WDR37: variants seen among roughly 807,000 people sequenced by gnomAD.
The protein encoded by WDR37 is WD repeat domain 37.
A neutral mutation model predicts 62.9 loss-of-function variants in WDR37; 19 were observed. The ratio of observed to expected loss-of-function variants is 0.30; its 90% CI spans 0.21 to 0.44. The LOEUF (loss-of-function observed/expected upper bound fraction) is 0.44, where lower values mean the gene tolerates loss of function less well. WDR37 is among the 20% of genes least tolerant of loss of function. The pLI, the probability that WDR37 is intolerant of heterozygous loss-of-function variation, is 1.00. For missense variants in WDR37, 474 were observed against 657.6 expected, an observed-to-expected ratio of 0.72 and a Z score of 3.05; for synonymous variants, 250 against 260.9, an observed-to-expected ratio of 0.96 and a Z score of 0.40.
chr10:1,062,369 G>GA (rs1833400263), intron 1 of WDR37, among the ~76,000 whole-genome samples: 1 of 152,196 alleles, frequency 6.6e-6, no homozygotes, highest in African/African-American at 2.4e-5. Context: ...ATTTTGATGA[G>GA]AAAGGAAAGG....
chr10:1,092,179 CA>C (rs1216415362), intron 7 of WDR37, among the ~76,000 whole-genome samples: 28,912 of 68,954 alleles, frequency 0.42, 3,296 homozygotes, highest in East Asian at 0.49. Flanking sequence ...GACTCCGTCT[CA>C]AAAAAAAAAA....
intron 1 of WDR37, among the ~76,000 whole-genome samples, chr10:1,067,733 TAAA>T (rs1414123666): frequency 6.6e-6 from 1 of 151,914 alleles, no homozygotes; most frequent in Non-Finnish European, 1.5e-5. Flanking sequence ...AACAGCTAAA[TAAA>T]AAAGTAGTGA....
At chr10:1,067,015 A>C (rs1335154595) in intron 1 of WDR37, among the ~76,000 whole-genome samples, 1 of 152,220 alleles carries the variant, frequency 6.6e-6, no homozygotes, top group African/African-American at 2.4e-5. Flanking sequence ...GGTCCCTCCC[A>C]CAACACATTG....
chr10:1,072,125 G>C lies in WDR37; in HGVS notation c.-31G>C. The C allele has an allele frequency of 6.2e-7, 1 of 1,611,856 alleles. No individual in the cohort carries two copies. The highest frequency in any genetic ancestry group is 8.5e-7 in the Non-Finnish European group (1 of 1,179,026). On this transcript the variant is annotated 5_prime_UTR_variant, in exon 2 of 14. Transcript: ENST00000263150. Reference sequence around the variant, plus strand: ...TTCTTGCTGTTTTTAGCTTATTGCAGGAGTGACCAGGACACTACCTCCTAG... The same window carrying C: ...TTCTTGCTGTTTTTAGCTTATTGCACGAGTGACCAGGACACTACCTCCTAG...
At position 1,103,454 on chromosome 10, in the gene WDR37, G is replaced by A; in HGVS notation, c.727-148G>A. On this transcript the variant is annotated intron_variant, in intron 9 of 13. Transcript: ENST00000263150. The surrounding 1 kb of genome is among the most constrained non-coding windows in gnomAD (Gnocchi z 6.3). ...GTCAGAGGAGGACATACTCATCACTGTGGCCAGCACCAGGCTCCTAGTGGT... is the reference window on the plus strand; with the variant it reads ...GTCAGAGGAGGACATACTCATCACTATGGCCAGCACCAGGCTCCTAGTGGT... 2.5e-6 allele frequency: 2 copies of A among 789,932 alleles called. No individual in the cohort carries two copies. The highest frequency in any genetic ancestry group is 4.1e-6 in the Non-Finnish European group (2 of 492,710). The allele number at this position is 789,932 out of a possible 1,614,324, so 48.9% of individuals were successfully genotyped here.
chr10:1,071,756 G>T (rs905913881), intron 1 of WDR37, among the ~76,000 whole-genome samples: 2 of 152,192 alleles, frequency 1.3e-5, no homozygotes, highest in African/African-American at 2.4e-5. Flanking sequence ...CTATTGGACA[G>T]CATGAGTCTA....
intron 13 of WDR37, among the ~76,000 whole-genome samples, chr10:1,127,747 G>A (rs1216157756): frequency 6.6e-6 from 1 of 152,224 alleles, no homozygotes; most frequent in Non-Finnish European, 1.5e-5. Flanking sequence ...GGGTCCCTGT[G>A]ATGTGGAGGC....
chr10:1,070,094 T>A (rs1833681784), intron 1 of WDR37, among the ~76,000 whole-genome samples: 1 of 151,802 alleles, frequency 6.6e-6, no homozygotes, highest in African/African-American at 2.4e-5. Flanking sequence ...TAGTCCCAGT[T>A]ACTCTGGAGG....
intron 10 of WDR37, among the ~76,000 whole-genome samples, chr10:1,104,248 C>T (rs762984345): frequency 6.6e-6 from 1 of 152,198 alleles, no homozygotes; most frequent in Non-Finnish European, 1.5e-5. Flanking sequence ...TCAGGACCTC[C>T]CCAAGGCTGC....
At chr10:1,089,035 G>A (rs1054549188) in intron 7 of WDR37, among the ~76,000 whole-genome samples, 8 of 152,166 alleles carry the variant, frequency 5.3e-5, no homozygotes, top group Non-Finnish European at 8.8e-5. Context: ...TCAGGCTTTA[G>A]GGGTTCTGCT....
At chr10:1,078,116 C>A in intron 3 of WDR37, 113 bp downstream of exon 3, 1 of 779,550 alleles carries the variant, frequency 1.3e-6, no homozygotes, top group South Asian at 2.3e-5. Context: ...CAAACTTAAA[C>A]TTATTTTAGT....
chr10:1,126,273 G>T (rs1277474152), intron 13 of WDR37, among the ~76,000 whole-genome samples: 6 of 151,990 alleles, frequency 3.9e-5, no homozygotes, highest in Admixed American at 1.3e-4. Flanking sequence ...AGGCGTGGTG[G>T]CGGGCGTCTG....
At chr10:1,107,302 A>T (rs1389661994) in intron 11 of WDR37, among the ~76,000 whole-genome samples, 1 of 29,546 alleles carries the variant, frequency 3.4e-5, no homozygotes, top group African/African-American at 1.5e-4. Flanking sequence ...ACCACTGTGT[A>T]GGGCGGGGCA....
chr10:1,098,511 A>G (rs1834676293), intron 9 of WDR37, among the ~76,000 whole-genome samples: 2 of 152,142 alleles, frequency 1.3e-5, no homozygotes, highest in African/African-American at 4.8e-5. Flanking sequence ...TATTTTTAGT[A>G]GAGATGGGGT....
chr10:1,072,053 C>T, intron 1 of WDR37, 63 bp from the exon 2 acceptor site: 3 of 1,319,638 alleles, frequency 2.3e-6, no homozygotes, highest in East Asian at 4.8e-5. Context: ...TTATCTTCTT[C>T]ACTGTTTTTC....
chr10:1,128,239 C>A (rs548567812), intron 13 of WDR37, among the ~76,000 whole-genome samples: 1 of 152,346 alleles, frequency 6.6e-6, no homozygotes, highest in East Asian at 1.9e-4. Context: ...GTCAACTTTA[C>A]TTAATACTGA....
chr10:1,064,543 A>G (rs1779603683), intron 1 of WDR37, among the ~76,000 whole-genome samples: 2 of 141,934 alleles, frequency 1.4e-5, no homozygotes, highest in Non-Finnish European at 3.0e-5. Context: ...GAGAGATACC[A>G]CTTGACCTGT....
Position 1,080,069 on chromosome 10 carries a change from T to C in WDR37, c.294T>C (p.Asp98=), listed in dbSNP as rs1833983701. The stretch of plus-strand genomic sequence containing the variant: ...TAGCTGCTGAAGGACAAGCGATTGA[T>C]GGAGCAGAGCTGAGTAAGGGCCAAC... The part of the protein sequence containing the change: ...ERLAAEGQAI[D]GAELSKGQLK... Residue 98 remains aspartate (D), a synonymous_variant, in exon 4 of 14, where the codon GAT becomes GAC. Coordinates refer to ENST00000263150, the MANE Select transcript of WDR37 (RefSeq NM_014023.4). The C allele has an allele frequency of 6.2e-7, 1 of 1,614,052 alleles. No individual in the cohort carries two copies. Among genetic ancestry groups the C allele is most frequent in the African/African-American group, 1.3e-5 (1 of 74,898 alleles).
At chr10:1,061,118 G>T (rs1324483185) in intron 1 of WDR37, among the ~76,000 whole-genome samples, 2 of 152,166 alleles carry the variant, frequency 1.3e-5, no homozygotes, top group Non-Finnish European at 2.9e-5. Context: ...ATGTTATGAG[G>T]ATTAGTGACT....
Sources: allele counts gnomAD v4.1 joint callset (sites outside exome capture counted in the v4.1 genomes callset), GRCh38; gene constraint gnomAD v4.1.1; non-coding constraint Gnocchi (gnomAD v3.1); transcripts MANE v1.5; gene names NCBI Gene and HGNC (gene_info 2026-07-23, HGNC 2026-07-21).